The following NECAB1 variants were observed in gnomAD, a reference collection of about 807,000 sequenced individuals.
NECAB1 encodes the protein N-terminal EF-hand calcium binding protein 1, also known as N-terminal EF-hand calcium-binding protein 1.
Under a neutral mutation model 57.5 loss-of-function variants are expected in NECAB1, and 29 were observed. The observed-to-expected ratio is 0.50, with a 90% CI of 0.38 to 0.69. The LOEUF (loss-of-function observed/expected upper bound fraction) is 0.69, where lower values mean the gene tolerates loss of function less well. Among genes scored for constraint, NECAB1 ranks in the 30% least tolerant of loss-of-function variants. NECAB1 has a pLI of 0.00. For synonymous variants in NECAB1, 142 were observed against 147.7 expected, an observed-to-expected ratio of 0.96 and a Z score of 0.28; for missense variants, 372 against 413.8, an observed-to-expected ratio of 0.90 and a Z score of 0.88.
At chr8:90,899,701 A>G (rs2130012241) in intron 5 of NECAB1, among the ~76,000 whole-genome samples, 1 of 151,944 alleles carries the variant, frequency 6.6e-6, no homozygotes, top group Non-Finnish European at 1.5e-5. Context: ...GATATTGTAC[A>G]GTACATTTGA....
chr8:90,926,975 G>A (rs189239305), intron 7 of NECAB1, among the ~76,000 whole-genome samples: 14 of 152,220 alleles, frequency 9.2e-5, no homozygotes, highest in African/African-American at 3.4e-4. Context: ...CATGGAACTA[G>A]AAAATGACAA....
chr8:90,838,047 G>A (rs956785077), intron 3 of NECAB1, among the ~76,000 whole-genome samples: 1 of 152,120 alleles, frequency 6.6e-6, no homozygotes, highest in Non-Finnish European at 1.5e-5. Flanking sequence ...CTTTAAAATA[G>A]AGCATAGTCA....
intron 3 of NECAB1, among the ~76,000 whole-genome samples, chr8:90,840,735 T>A (rs1206886851): frequency 6.6e-6 from 1 of 152,116 alleles, no homozygotes; most frequent in Non-Finnish European, 1.5e-5. Context: ...CAGAACCACA[T>A]AACGCACAGT....
chr8:90,835,271 C>G (rs947598476), intron 3 of NECAB1, among the ~76,000 whole-genome samples: 2 of 152,132 alleles, frequency 1.3e-5, no homozygotes, highest in African/African-American at 4.8e-5. Context: ...CCTGCTTCCT[C>G]AAATCTCATG....
chr8:90,907,151 TGAGAGAGA>T (rs71266152), intron 5 of NECAB1, among the ~76,000 whole-genome samples: 62 of 102,092 alleles, frequency 6.1e-4, no homozygotes, highest in South Asian at 1.9e-3. Context: ...TGTGTGTGTG[TGAGAGAGA>T]GAGAGAGAGA....
At chr8:90,814,201 G>A (rs1481419780) in intron 2 of NECAB1, among the ~76,000 whole-genome samples, 1 of 152,156 alleles carries the variant, frequency 6.6e-6, no homozygotes, top group African/African-American at 2.4e-5. Flanking sequence ...GATTTGTCTG[G>A]TGTTTTTCTC....
In NECAB1 at chr8:90,917,379, C is replaced by G. The variant is rs1052487569; in HGVS notation, c.358-113C>G. 8 of 861,414 alleles carry G rather than the reference C, an allele frequency of 9.3e-6. No homozygotes were observed. In the African/African-American group the frequency reaches 1.4e-4, roughly 15 times the overall value. 53.4% of individuals were successfully genotyped at this position (861,414 alleles called of 1,614,324 possible). On this transcript the variant is annotated intron_variant, in intron 5 of 12. Transcript: ENST00000417640. The stretch of plus-strand genomic sequence containing the variant: ...ACAGATCTTTTCCCTTCTCTCCACC[C>G]TCTCTCTCTAGGATCAATCTGGGAT...
chr8:90,815,632 A>G (rs759887791), intron 2 of NECAB1, among the ~76,000 whole-genome samples: 23 of 152,002 alleles, frequency 1.5e-4, no homozygotes, highest in Non-Finnish European at 2.8e-4. Context: ...AGATCATAAA[A>G]TTGGAATCAT....
At chr8:90,945,950 C>A (rs758578106) in intron 10 of NECAB1, among the ~76,000 whole-genome samples, 1 of 152,178 alleles carries the variant, frequency 6.6e-6, no homozygotes, top group African/African-American at 2.4e-5. Context: ...ACATAAGAAA[C>A]AAATCACAGG....
At chr8:90,886,776 T>G (rs1258955642) in intron 5 of NECAB1, among the ~76,000 whole-genome samples, 1 of 152,164 alleles carries the variant, frequency 6.6e-6, no homozygotes, top group Non-Finnish European at 1.5e-5. Flanking sequence ...GGAAAAACTT[T>G]TATTGGAATT....
At chr8:90,833,263 C>A (rs1331740832) in intron 3 of NECAB1, among the ~76,000 whole-genome samples, 1 of 152,078 alleles carries the variant, frequency 6.6e-6, no homozygotes, top group East Asian at 1.9e-4. Context: ...TATTGCTCTT[C>A]AGAGTACTCA....
At chr8:90,922,154 C>G (rs991392254) in intron 6 of NECAB1, among the ~76,000 whole-genome samples, 4 of 152,226 alleles carry the variant, frequency 2.6e-5, no homozygotes, top group Non-Finnish European at 5.9e-5. Flanking sequence ...TAGGGGTCCC[C>G]TATTCTCTTA....
At chr8:90,863,551 A>C (rs753090283) in intron 3 of NECAB1, among the ~76,000 whole-genome samples, 44 of 152,080 alleles carry the variant, frequency 2.9e-4, no homozygotes, top group Non-Finnish European at 5.9e-4. Context: ...AGTTTTCTGA[A>C]ATTTAAACCC....
At chr8:90,902,080 T>C (rs1809516608) in intron 5 of NECAB1, among the ~76,000 whole-genome samples, 1 of 152,188 alleles carries the variant, frequency 6.6e-6, no homozygotes, top group Admixed American at 6.5e-5. Context: ...CTCTTAAAAA[T>C]AAGAAAAGCC....
At chr8:90,861,490 C>T (rs1812900699) in intron 3 of NECAB1, among the ~76,000 whole-genome samples, 1 of 152,134 alleles carries the variant, frequency 6.6e-6, no homozygotes, top group African/African-American at 2.4e-5. Flanking sequence ...CTTTGCAACA[C>T]CGTCCTCTCC....
chr8:90,938,279 T>A (rs1380053138), intron 9 of NECAB1, among the ~76,000 whole-genome samples: 3 of 152,114 alleles, frequency 2.0e-5, no homozygotes, highest in African/African-American at 7.2e-5. Context: ...AAAATTTCTA[T>A]AAGGTAAATG....
chr8:90,906,883 A>ATATGTATATATATATATATATATATG (rs1554574057), intron 5 of NECAB1, among the ~76,000 whole-genome samples: 1 of 80,758 alleles, frequency 1.2e-5, no homozygotes, highest in African/African-American at 4.8e-5. Context: ...ACACATATAT[A>ATATGTATATATATATATATATATATG]TATATATATA....
intron 4 of NECAB1, among the ~76,000 whole-genome samples, chr8:90,879,057 A>G (rs1373694839): frequency 7.0e-6 from 1 of 141,854 alleles, no homozygotes; most frequent in African/African-American, 2.7e-5. Flanking sequence ...TATATAATAT[A>G]TATCTTATAT....
chr8:90,911,330 C>G (rs1185263573), intron 5 of NECAB1, among the ~76,000 whole-genome samples: 2 of 152,000 alleles, frequency 1.3e-5, no homozygotes, highest in African/African-American at 4.8e-5. Flanking sequence ...ACAAGATGTT[C>G]TATAGGAGGA....
Sources: gnomAD v4.1 joint callset for allele counts (sites outside exome capture counted in the v4.1 genomes callset) on GRCh38, gnomAD v4.1.1 for gene constraint, MANE v1.5 for transcripts, NCBI Gene and HGNC (gene_info 2026-07-23, HGNC 2026-07-21) for gene names.